The following NLRC5 variants were observed in gnomAD, a reference collection of about 807,000 sequenced individuals.
NLRC5 encodes the protein protein NLRC5.
A neutral mutation model predicts 206.9 loss-of-function variants in NLRC5; 114 were observed. The ratio of observed to expected loss-of-function variants is 0.55; its 90% CI spans 0.47 to 0.64. The LOEUF (loss-of-function observed/expected upper bound fraction) is 0.64. NLRC5 is among the 30% of genes least tolerant of loss of function. The pLI is 0.00. For missense variants in NLRC5, 2,008 were observed against 2,305.5 expected, an observed-to-expected ratio of 0.87 and a Z score of 2.64; for synonymous variants, 952 against 962.8, an observed-to-expected ratio of 0.99 and a Z score of 0.21.
intron 23 of NLRC5, chr16:57,047,914 A>C: frequency 9.0e-6 from 4 of 444,600 alleles, no homozygotes; most frequent in South Asian, 3.3e-5. Flanking sequence ...TCCACCTCCA[A>C]CCCCACCCCT....
intron 1 of NLRC5, chr16:57,014,102 C>T (rs1462057640): frequency 5.1e-6 from 1 of 194,192 alleles, no homozygotes; most frequent in African/African-American, 2.4e-5. Flanking sequence ...CTTCAAAACA[C>T]CAGTTCCACA....
At chr16:57,024,325 G>A (rs1461272271) in intron 5 of NLRC5, among the ~76,000 whole-genome samples, 3 of 152,286 alleles carry the variant, frequency 2.0e-5, no homozygotes, top group East Asian at 1.9e-4. Context: ...GAAGAAAGGG[G>A]ACTTCTCTCA....
intron 27 of NLRC5, 101 bp from the exon 28 acceptor site, chr16:57,057,964 T>A (rs752271881): frequency 2.2e-6 from 2 of 901,534 alleles, no homozygotes; most frequent in Non-Finnish European, 3.6e-6. Context: ...TGACATGGGG[T>A]CCAGTAGCAG....
At position 56,995,480 on chromosome 16, in the gene NLRC5, T is replaced by C. The variant is rs565014554; in HGVS notation, c.-128+5863T>C. Among the ~76,000 whole-genome samples, 22 of 152,340 alleles carry C rather than the reference T, an allele frequency of 1.4e-4. No homozygotes were observed. In the South Asian group the frequency reaches 3.7e-3, roughly 26 times the overall value. On this transcript the variant is annotated intron_variant, in intron 1 of 48. Transcript: ENST00000688547. ...GACTCCTAAAGGGATATATGAACTT[T>C]TATTTTTTAAATGTTTGAAACCGTG...
chr16:57,075,264 G>A (rs1394085143), intron 39 of NLRC5, among the ~76,000 whole-genome samples: 1 of 151,730 alleles, frequency 6.6e-6, no homozygotes, highest in Non-Finnish European at 1.5e-5. Context: ...TTGTTGCCCA[G>A]GCTGGAGTGC....
chr16:57,067,570 C>A, intron 35 of NLRC5, 100 bp downstream of exon 35: 2 of 1,410,394 alleles, frequency 1.4e-6, no homozygotes, highest in African/African-American at 1.4e-5. Context: ...CTTCCTTGTG[C>A]AGGAGAAAAT....
At position 57,077,337 on chromosome 16, in the gene NLRC5, T is replaced by C; in HGVS notation, c.4877T>C (p.Leu1626Ser). Residue 1626 changes from leucine to serine, a missense_variant, in exon 41 of 49, where the codon TTA becomes TCA. Leu to Ser is a moderately radical substitution (Grantham distance 145). Transcript: ENST00000688547. ...ATTGGAGACGCTGGTGTCCAGCACT[T>C]AGCTACCATCCTGCCTGGGCTGCCA... is the stretch of plus-strand genomic sequence containing the variant. Reference protein sequence around the residue: ...NQIGDAGVQHLATILPGLPEL... With the variant: ...NQIGDAGVQHSATILPGLPEL... 1.2e-6 allele frequency: 2 copies of C among 1,613,990 alleles called. No homozygotes were observed. Among genetic ancestry groups the C allele is most frequent in the Non-Finnish European group, 1.7e-6 (2 of 1,179,970 alleles).
intron 12 of NLRC5, 27 bp downstream of exon 12, chr16:57,033,696 G>A (rs1220994149): frequency 2.5e-6 from 4 of 1,605,512 alleles, no homozygotes; most frequent in Admixed American, 3.3e-5. Context: ...TATTGCCTTA[G>A]GAGAGGGATA....
In NLRC5 at chr16:57,025,934, C is replaced by A; in HGVS notation, c.991C>A (p.Leu331Ile). ...CCCAGTCCTCACCCTTTTCTCCCAT[C>A]TCTGCAATGGGACCCTCCTGCCTGG... ...PGPVLTLFSHLCNGTLLPGCR... is the reference protein window; with the variant it reads ...PGPVLTLFSHICNGTLLPGCR... The change falls in exon 6 of 49, where the codon CTC becomes ATC. Residue 331 changes from leucine to isoleucine, a missense_variant. Coordinates refer to ENST00000688547, the MANE Select transcript of NLRC5 (RefSeq NM_001384950.1). 1.2e-6 allele frequency: 2 copies of A among 1,614,230 alleles called. No individual in the cohort carries two copies. Among genetic ancestry groups the A allele is most frequent in the Non-Finnish European group, 1.7e-6 (2 of 1,180,042 alleles).
intron 11 of NLRC5, among the ~76,000 whole-genome samples, chr16:57,033,139 A>G (rs1187632248): frequency 6.6e-6 from 1 of 152,194 alleles, no homozygotes; most frequent in Non-Finnish European, 1.5e-5. Flanking sequence ...CTCACTGCAT[A>G]CAGCTCATGC....
intron 8 of NLRC5, 78 bp downstream of exon 8, chr16:57,028,463 A>G (rs746116528): frequency 9.8e-5 from 111 of 1,127,064 alleles, no homozygotes; most frequent in Non-Finnish European, 1.5e-4. Flanking sequence ...TGGGGCCTGC[A>G]TGTTCCTCCA....
chr16:57,032,957 C>A (rs1179201379), intron 11 of NLRC5, among the ~76,000 whole-genome samples: 2 of 151,972 alleles, frequency 1.3e-5, no homozygotes, highest in African/African-American at 4.8e-5. Flanking sequence ...GGGATAGAGC[C>A]ACTGCACTCC....
chr16:56,997,842 A>G (rs1411697048), intron 1 of NLRC5, among the ~76,000 whole-genome samples: 3 of 152,088 alleles, frequency 2.0e-5, no homozygotes, highest in Non-Finnish European at 2.9e-5. Flanking sequence ...CAGCCTCCCA[A>G]AGTACTGGGA....
chr16:57,065,184 G>T (rs572020813), intron 32 of NLRC5, 28 bp from the exon 33 acceptor site: 2 of 1,455,704 alleles, frequency 1.4e-6, no homozygotes, highest in Non-Finnish European at 9.2e-7. Context: ...CCTTGGGGGG[G>T]CCTTATCTGT....
intron 1 of NLRC5, among the ~76,000 whole-genome samples, chr16:56,996,169 T>C (rs1238872916): frequency 6.6e-6 from 1 of 152,128 alleles, no homozygotes; most frequent in African/African-American, 2.4e-5. Flanking sequence ...CTTGGCTTTC[T>C]TTCTTTCTTT....
chr16:57,051,611 A>G lies in NLRC5; in HGVS notation c.3496A>G (p.Ser1166Gly). The part of the protein sequence containing the change: ...LDCLPQLPQL[S>G]LLQLSQTGLS... ...CTGCTTACCTCAACTCCCTCAGCTG[A>G]GCCTGCTGCAGTAAGACGAGAGTTT... Residue 1166 changes from serine (S) to glycine (G), a missense_variant, in exon 24 of 49, where the codon AGC becomes GGC. Physicochemically the swap from Ser to Gly is moderately conservative, Grantham distance 56 (BLOSUM62 0). Coordinates refer to ENST00000688547, the MANE Select transcript of NLRC5 (RefSeq NM_001384950.1). 6.2e-7 allele frequency: 1 copy of G among 1,613,370 alleles called. No individual in the cohort carries two copies. Among genetic ancestry groups the G allele is most frequent in the Non-Finnish European group, 8.5e-7 (1 of 1,179,364 alleles).
intron 15 of NLRC5, among the ~76,000 whole-genome samples, chr16:57,037,782 C>G (rs1180927619): frequency 2.6e-5 from 4 of 152,210 alleles, no homozygotes; most frequent in Non-Finnish European, 5.9e-5. Context: ...AATCCTATTT[C>G]TGTAAGTCTC....
chr16:57,067,918 T>C, intron 36 of NLRC5, 90 bp downstream of exon 36: 2 of 1,026,364 alleles, frequency 1.9e-6, no homozygotes, highest in South Asian at 1.3e-5. Context: ...CTCAGAGGAC[T>C]CTTACTCTGT....
intron 1 of NLRC5, among the ~76,000 whole-genome samples, chr16:57,015,944 A>AAAAAAG (rs1567531360): frequency 3.3e-5 from 4 of 120,228 alleles, no homozygotes; most frequent in Middle Eastern, 0.015. Flanking sequence ...AAAAAAAAAA[A>AAAAAAG]AAAAGAAAGA....
Sources: gnomAD v4.1 joint callset for allele counts (sites outside exome capture counted in the v4.1 genomes callset) on GRCh38, gnomAD v4.1.1 for gene constraint, MANE v1.5 for transcripts, NCBI Gene and HGNC (gene_info 2026-07-23, HGNC 2026-07-21) for gene names.